TENM4: variants seen among roughly 807,000 people sequenced by gnomAD.
TENM4 encodes the protein teneurin transmembrane protein 4, also known as teneurin-4.
In TENM4, 82 loss-of-function variants were observed where a neutral mutation model predicts 243.3. The ratio of observed to expected loss-of-function variants is 0.34; its 90% CI spans 0.28 to 0.40. The LOEUF (loss-of-function observed/expected upper bound fraction) is 0.40. Among genes scored for constraint, TENM4 ranks in the 10% least tolerant of loss-of-function variants. The probability of loss-of-function intolerance (pLI) is 1.00; values close to 1 mark genes in which losing one functional copy is unlikely to be tolerated. For synonymous variants in TENM4, 1,412 were observed against 1,456.3 expected (o/e 0.97, Z 0.69); for missense variants, 3,138 against 3,673.3 (o/e 0.85, Z 3.77).
At chr11:78,963,306 G>A (rs946552905) in intron 6 of TENM4, among the ~76,000 whole-genome samples, 5 of 152,158 alleles carry the variant, frequency 3.3e-5, no homozygotes, top group Non-Finnish European at 7.3e-5. Context: ...GAAGGAGGAG[G>A]CGATGGCTTG....
Position 79,387,533 on chromosome 11 carries a change from G to A in TENM4, c.-321+52976C>T, listed in dbSNP as rs142964831. ...AAGTATAATACCACATATATTGCAA[G>A]GTTGTTGCAGGATGACAGTGGGGGA... is the stretch of plus-strand genomic sequence containing the variant. On this transcript the variant is annotated intron_variant, in intron 1 of 33. Transcript: ENST00000278550. Among the ~76,000 whole-genome samples, 77 of 152,278 alleles carry A rather than the reference G, an allele frequency of 5.1e-4. 1 individual carries two copies. Among genetic ancestry groups the A allele is most frequent in the African/African-American group, 1.7e-3 (69 of 41,556 alleles).
At chr11:79,355,943 G>C (rs1857490147) in intron 1 of TENM4, among the ~76,000 whole-genome samples, 1 of 152,190 alleles carries the variant, frequency 6.6e-6, no homozygotes, top group African/African-American at 2.4e-5. Flanking sequence ...TCTTATGGGA[G>C]CACATTTCCT....
At chr11:79,388,174 G>A (rs1858156467) in intron 1 of TENM4, among the ~76,000 whole-genome samples, 1 of 152,154 alleles carries the variant, frequency 6.6e-6, no homozygotes, top group Admixed American at 6.5e-5. Flanking sequence ...CAACAGAGAT[G>A]TGAGTTCAAC....
Position 79,405,862 on chromosome 11 carries a change from A to AC in TENM4, c.-321+34646_-321+34647insG, listed in dbSNP as rs1378231898. ...ATTGTGATTTCAAAAAAAAAAAAAA[A>AC]AAAAAAAAACAACTAGCTCCTAGAT... On this transcript the variant is annotated intron_variant, in intron 1 of 33. Coordinates refer to ENST00000278550, the MANE Select transcript of TENM4 (RefSeq NM_001098816.3). Among the ~76,000 whole-genome samples, 232 of 151,504 alleles carry AC rather than the reference A, an allele frequency of 1.5e-3. 1 individual carries two copies. The highest frequency in any genetic ancestry group is 5.5e-3 in the African/African-American group (225 of 41,196).
At chr11:79,074,127 T>G (rs1279223251) in intron 4 of TENM4, among the ~76,000 whole-genome samples, 1 of 152,246 alleles carries the variant, frequency 6.6e-6, no homozygotes, top group Non-Finnish European at 1.5e-5. Flanking sequence ...AACATTCGCC[T>G]GGTTCTCATT....
intron 4 of TENM4, among the ~76,000 whole-genome samples, chr11:79,074,845 T>TG (rs1390319720): frequency 6.6e-6 from 1 of 152,186 alleles, no homozygotes; most frequent in Non-Finnish European, 1.5e-5. Context: ...CGCTTCATAC[T>TG]GGGCTCTGCT....
At chr11:78,870,780 G>C (rs1178144330) in intron 9 of TENM4, among the ~76,000 whole-genome samples, 5 of 152,164 alleles carry the variant, frequency 3.3e-5, no homozygotes, top group Admixed American at 6.5e-5. Flanking sequence ...CAGAGGCAGG[G>C]AACAGGTGAG....
intron 12 of TENM4, 50 bp downstream of exon 12, chr11:78,854,054 G>T (rs928733081): frequency 2.6e-6 from 4 of 1,510,058 alleles, no homozygotes; most frequent in Non-Finnish European, 2.7e-6. Context: ...TGCAGCCTCC[G>T]ACCAAAAGAG....
intron 12 of TENM4, among the ~76,000 whole-genome samples, chr11:78,842,838 G>A (rs911109330): frequency 1.3e-5 from 2 of 152,204 alleles, no homozygotes; most frequent in East Asian, 1.9e-4. Context: ...GGGGTGGTAG[G>A]CAGAAAATAT....
chr11:78,821,687 A>C (rs949050720), intron 12 of TENM4, among the ~76,000 whole-genome samples: 1 of 152,218 alleles, frequency 6.6e-6, no homozygotes, highest in Admixed American at 6.5e-5. Flanking sequence ...GAATTCTTGA[A>C]GGAATTGAAA....
intron 9 of TENM4, among the ~76,000 whole-genome samples, chr11:78,868,076 T>TTA (rs369234974): frequency 5.2e-5 from 7 of 134,896 alleles, no homozygotes; most frequent in Admixed American, 1.5e-4. Flanking sequence ...AGCCACAGAT[T>TTA]AAAAAAAAAA....
intron 1 of TENM4, among the ~76,000 whole-genome samples, chr11:79,312,498 C>T (rs186430051): frequency 2.4e-3 from 372 of 152,194 alleles, no homozygotes; most frequent in Non-Finnish European, 4.5e-3. Context: ...TATAATGATT[C>T]CCATTCTTCA....
intron 1 of TENM4, among the ~76,000 whole-genome samples, chr11:79,409,877 G>GA (rs1858662095): frequency 6.6e-6 from 1 of 152,122 alleles, no homozygotes; most frequent in Non-Finnish European, 1.5e-5. Flanking sequence ...GTGTCCCTCT[G>GA]AGGGTCCCAG....
intron 6 of TENM4, among the ~76,000 whole-genome samples, chr11:79,010,181 A>G (rs1252706633): frequency 1.3e-5 from 2 of 152,196 alleles, no homozygotes; most frequent in Non-Finnish European, 2.9e-5. Context: ...TAATAGACCC[A>G]GTCTTTCCTG....
intron 14 of TENM4, among the ~76,000 whole-genome samples, chr11:78,806,605 C>T (rs624563): frequency 0.77 from 116,927 of 152,218 alleles, 45,717 homozygotes; most frequent in African/African-American, 0.81. Flanking sequence ...ATGAGGAAAC[C>T]GAGGCTCTGA....
At chr11:78,667,183 C>T (rs1038468682) in intron 32 of TENM4, among the ~76,000 whole-genome samples, 7 of 152,130 alleles carry the variant, frequency 4.6e-5, no homozygotes, top group Non-Finnish European at 1.0e-4. Flanking sequence ...TATCCATAGG[C>T]CCCAAGTCTG....
rs1857942215 is a variant in TENM4, at chr11:78,658,188, T to A, written c.8180A>T (p.Gln2727Leu). 1 of 1,614,048 alleles carries A rather than the reference T, an allele frequency of 6.2e-7. No individual in the cohort carries two copies. The highest frequency in any genetic ancestry group is 8.5e-7 in the Non-Finnish European group (1 of 1,179,898). The change falls in exon 34 of 34, where the codon CAG becomes CTG. Residue 2727 changes from glutamine (Q) to leucine (L), a missense_variant. Coordinates refer to ENST00000278550, the MANE Select transcript of TENM4 (RefSeq NM_001098816.3). ...LRAWTEGEKQ[Q>L]VLSTGRVQGY... ...TTGCACCCGCCCTGTGCTCAGCACCTGCTGCTTCTCCCCCTCTGTCCAGGC... is the reference window on the plus strand; with the variant it reads ...TTGCACCCGCCCTGTGCTCAGCACCAGCTGCTTCTCCCCCTCTGTCCAGGC...
chr11:79,404,412 C>T (rs919381831), intron 1 of TENM4, among the ~76,000 whole-genome samples: 16 of 152,044 alleles, frequency 1.1e-4, no homozygotes, highest in Non-Finnish European at 1.6e-4. Context: ...AGCCAAGTTG[C>T]AGAGAGAGAA....
chr11:78,688,853 C>T (rs1263658137), intron 28 of TENM4, among the ~76,000 whole-genome samples: 1 of 152,194 alleles, frequency 6.6e-6, no homozygotes, highest in Non-Finnish European at 1.5e-5. Flanking sequence ...GTAACTGCAA[C>T]TCTTAGAACC....
Sources: allele counts gnomAD v4.1 joint callset (sites outside exome capture counted in the v4.1 genomes callset), GRCh38; gene constraint gnomAD v4.1.1; transcripts MANE v1.5; gene names NCBI Gene and HGNC (gene_info 2026-07-23, HGNC 2026-07-21).